The following ANKS1B variants were observed in gnomAD, a reference collection of about 807,000 sequenced individuals.
ANKS1B encodes ankyrin repeat and sterile alpha motif domain-containing protein 1B.
ANKS1B carries 36 observed loss-of-function variants against 148.3 expected under a neutral mutation model. The observed-to-expected ratio is 0.24, with a 90% CI of 0.19 to 0.32. The LOEUF (loss-of-function observed/expected upper bound fraction) is 0.32, where lower values mean the gene tolerates loss of function less well. Among genes scored for constraint, ANKS1B ranks in the 10% least tolerant of loss-of-function variants. The pLI is 1.00. For synonymous variants in ANKS1B, 542 were observed against 560.8 expected (o/e 0.97, Z 0.47); for missense variants, 1,157 against 1,542.6 (o/e 0.75, Z 4.19).
intron 15 of ANKS1B, among the ~76,000 whole-genome samples, chr12:99,088,725 A>G (rs1047029639): frequency 3.9e-5 from 6 of 152,020 alleles, no homozygotes; most frequent in African/African-American, 1.4e-4. Flanking sequence ...CACCTGGGTG[A>G]CAGTTGTGCC....
At chr12:99,719,721 C>A (rs1038939655) in intron 8 of ANKS1B, among the ~76,000 whole-genome samples, 9 of 152,274 alleles carry the variant, frequency 5.9e-5, no homozygotes, top group Non-Finnish European at 1.2e-4. Flanking sequence ...ACACAAGGGT[C>A]CTCTATCATT....
intron 8 of ANKS1B, among the ~76,000 whole-genome samples, chr12:99,722,012 G>A (rs2153556086): frequency 6.6e-6 from 1 of 152,286 alleles, no homozygotes; most frequent in South Asian, 2.1e-4. Context: ...CCAGAACAAG[G>A]CCCTAACTCT....
intron 17 of ANKS1B, among the ~76,000 whole-genome samples, chr12:99,005,038 C>T (rs879558199): frequency 2.0e-5 from 3 of 152,162 alleles, no homozygotes; most frequent in Non-Finnish European, 4.4e-5. Context: ...GCAGAAAGAA[C>T]AGATTTCCCA....
Position 98,789,215 on chromosome 12 carries a change from C to T in ANKS1B, c.3343-7078G>A, listed in dbSNP as rs113703279. On this transcript the variant is annotated intron_variant, in intron 22 of 26. Transcript: ENST00000683438. ...AAAATTAGCTGGACGTGGTGACGGG[C>T]GCCTGTAATCCCAGCTACTCGGGAG... Among the ~76,000 whole-genome samples the T allele has an allele frequency of 9.3e-3, 1,418 of 152,062 alleles. 22 individuals are homozygous for T. The highest frequency in any genetic ancestry group is 0.033 in the African/African-American group (1,357 of 41,470).
chr12:99,025,346 T>G (rs921652657), intron 17 of ANKS1B, among the ~76,000 whole-genome samples: 1 of 152,224 alleles, frequency 6.6e-6, no homozygotes, highest in African/African-American at 2.4e-5. Flanking sequence ...ATTCTTCATG[T>G]GTTTTACAAT....
chr12:99,209,367 G>A (rs1195206273), intron 14 of ANKS1B, among the ~76,000 whole-genome samples: 1 of 152,094 alleles, frequency 6.6e-6, no homozygotes, highest in East Asian at 1.9e-4. Flanking sequence ...AATTGCTTTA[G>A]AAGAAAAACT....
intron 1 of ANKS1B, among the ~76,000 whole-genome samples, chr12:99,963,203 G>GT (rs1238746680): frequency 2.0e-5 from 3 of 152,118 alleles, no homozygotes; most frequent in Admixed American, 6.6e-5. Context: ...TTCTGATGGG[G>GT]TTTTTTCTTG....
At chr12:99,163,238 TGC>T (rs2076858006) in intron 14 of ANKS1B, among the ~76,000 whole-genome samples, 1 of 152,240 alleles carries the variant, frequency 6.6e-6, no homozygotes, top group Non-Finnish European at 1.5e-5. Flanking sequence ...AGGATATCTT[TGC>T]CTGATATACA....
Position 99,950,113 on chromosome 12 carries a change from A to ATTTTTTTTTTTT in ANKS1B, c.134+33979_134+33990dup, listed in dbSNP as rs35287842. Among the ~76,000 whole-genome samples the ATTTTTTTTTTTT allele has an allele frequency of 4.6e-4, 42 of 90,542 alleles. 2 individuals are homozygous for ATTTTTTTTTTTT. The highest frequency in any genetic ancestry group is 2.1e-3 in the African/African-American group (42 of 20,110). The allele number at this position is 90,542 out of a possible 152,430, so 59.4% of individuals were successfully genotyped here. A position where few individuals can be genotyped will look rare whatever the true frequency, so the allele number is the denominator to read the frequency against. On this transcript the variant is annotated intron_variant, in intron 1 of 26. Coordinates refer to ENST00000683438, the MANE Select transcript of ANKS1B (RefSeq NM_001352186.2). Reference sequence around the variant, plus strand: ...AGGTGCACGCCATCATGCTCAGTTAATTTTTTTTTTTTTTTTTTTTTTTTT... The same window carrying ATTTTTTTTTTTT: ...AGGTGCACGCCATCATGCTCAGTTAATTTTTTTTTTTTTTTTTTTTTTTTTTTTTTTTTTTTT...
At chr12:99,976,492 T>C (rs2095630973) in intron 1 of ANKS1B, among the ~76,000 whole-genome samples, 1 of 152,108 alleles carries the variant, frequency 6.6e-6, no homozygotes, top group Non-Finnish European at 1.5e-5. Flanking sequence ...GAATGTGGTG[T>C]GGGAAATAGA....
intron 1 of ANKS1B, among the ~76,000 whole-genome samples, chr12:99,841,961 T>C (rs1285344930): frequency 6.6e-6 from 1 of 152,164 alleles, no homozygotes; most frequent in Non-Finnish European, 1.5e-5. Flanking sequence ...ATGTTATTTA[T>C]TCATTGTTTA....
At chr12:99,974,187 C>T (rs925947137) in intron 1 of ANKS1B, among the ~76,000 whole-genome samples, 1 of 152,190 alleles carries the variant, frequency 6.6e-6, no homozygotes, top group Admixed American at 6.5e-5. Context: ...TTGCTGAAGG[C>T]TCAAATGATC....
chr12:98,999,066 C>A (rs910612200), intron 17 of ANKS1B, among the ~76,000 whole-genome samples: 1 of 152,198 alleles, frequency 6.6e-6, no homozygotes, highest in African/African-American at 2.4e-5. Flanking sequence ...AAGGGAAGTC[C>A]CTGCCCACCA....
intron 1 of ANKS1B, among the ~76,000 whole-genome samples, chr12:99,861,035 GC>G (rs2089955001): frequency 6.6e-6 from 1 of 152,176 alleles, no homozygotes; most frequent in Admixed American, 6.6e-5. Context: ...AATCACAGCA[GC>G]TGAGCTTTAG....
intron 10 of ANKS1B, among the ~76,000 whole-genome samples, chr12:99,461,327 TACA>T (rs1409884167): frequency 6.6e-6 from 1 of 152,022 alleles, no homozygotes; most frequent in Non-Finnish European, 1.5e-5. Context: ...GGGTACAGTG[TACA>T]CTGTTCAGGT....
intron 9 of ANKS1B, among the ~76,000 whole-genome samples, chr12:99,582,767 GAC>G (rs1206179651): frequency 6.6e-6 from 1 of 151,988 alleles, no homozygotes; most frequent in Admixed American, 6.5e-5. Flanking sequence ...GCAAATCTTT[GAC>G]AGTTATCAAA....
At chr12:99,016,337 G>A (rs1232132293) in intron 17 of ANKS1B, among the ~76,000 whole-genome samples, 1 of 152,176 alleles carries the variant, frequency 6.6e-6, no homozygotes, top group Non-Finnish European at 1.5e-5. Flanking sequence ...TTTTTGTAAA[G>A]TATACTCAGA....
chr12:99,908,490 G>T (rs2093876772), intron 1 of ANKS1B, among the ~76,000 whole-genome samples: 1 of 152,094 alleles, frequency 6.6e-6, no homozygotes, highest in South Asian at 2.1e-4. Context: ...TGAGGTGAGA[G>T]AATCACCCAA....
At chr12:99,118,240 G>T (rs961958752) in intron 15 of ANKS1B, among the ~76,000 whole-genome samples, 2 of 152,148 alleles carry the variant, frequency 1.3e-5, no homozygotes, top group African/African-American at 4.8e-5. Context: ...TCTAGTGGTT[G>T]TTGGGAAAAT....
Sources: allele counts gnomAD v4.1 joint callset (sites outside exome capture counted in the v4.1 genomes callset), GRCh38; gene constraint gnomAD v4.1.1; transcripts MANE v1.5; gene names NCBI Gene and HGNC (gene_info 2026-07-23, HGNC 2026-07-21).